AFG2A: variants seen among roughly 807,000 people sequenced by gnomAD.
AFG2A encodes AAA ATPase AFG2A.
At chr4:123,075,263 C>A in the AFG2A span, among the ~76,000 whole-genome samples, 5,089 of 152,062 alleles carry the variant, frequency 0.033, 185 homozygotes, top group African/African-American at 0.087. Flanking sequence ...ACTTTATAAT[C>A]ATTATTTTTA....
chr4:123,006,832 T>A, the AFG2A span, among the ~76,000 whole-genome samples: 3 of 152,144 alleles, frequency 2.0e-5, no homozygotes, highest in Non-Finnish European at 4.4e-5. Context: ...TTTGGATCAG[T>A]TTCAATTTAT....
At chr4:123,231,020 T>C in the AFG2A span, among the ~76,000 whole-genome samples, 98,597 of 151,808 alleles carry the variant, frequency 0.65, 32,587 homozygotes, top group Admixed American at 0.7. Flanking sequence ...GAAGAGTAGA[T>C]TTAGCATATT....
chr4:123,237,299 A>T, the AFG2A span, among the ~76,000 whole-genome samples: 1 of 152,332 alleles, frequency 6.6e-6, no homozygotes, highest in African/African-American at 2.4e-5. Flanking sequence ...AGTCCCTGCC[A>T]TGTGCCTCAA....
the AFG2A span, among the ~76,000 whole-genome samples, chr4:122,925,558 C>G: frequency 6.6e-6 from 1 of 152,192 alleles, no homozygotes; most frequent in African/African-American, 2.4e-5. Flanking sequence ...TGCCCAGGAA[C>G]TTTGTACATG....
At chr4:123,007,894 T>C in the AFG2A span, among the ~76,000 whole-genome samples, 8 of 151,950 alleles carry the variant, frequency 5.3e-5, no homozygotes, top group Admixed American at 3.3e-4. Context: ...TCTTATTGGT[T>C]TCCCTTTTCT....
chr4:122,999,689 C>T, the AFG2A span, among the ~76,000 whole-genome samples: 1 of 152,234 alleles, frequency 6.6e-6, no homozygotes, highest in Non-Finnish European at 1.5e-5. Context: ...GGTACCAGCA[C>T]CATGCTGTTT....
At chr4:123,058,400 G>A in the AFG2A span, among the ~76,000 whole-genome samples, 1,843 of 152,290 alleles carry the variant, frequency 0.012, 42 homozygotes, top group African/African-American at 0.041. Flanking sequence ...CGAGGTGGGC[G>A]AATCATTTGA....
chr4:123,216,462 A>G, the AFG2A span, among the ~76,000 whole-genome samples: 1 of 152,204 alleles, frequency 6.6e-6, no homozygotes, highest in South Asian at 2.1e-4. Flanking sequence ...CTATATCTAC[A>G]TAACAGAATG....
the AFG2A span, among the ~76,000 whole-genome samples, chr4:122,942,140 G>A: frequency 1.3e-5 from 2 of 151,186 alleles, no homozygotes; most frequent in Non-Finnish European, 3.0e-5. Flanking sequence ...GGATGATGCT[G>A]GCCTCATAAA....
chr4:123,293,576 T>C, the AFG2A span, among the ~76,000 whole-genome samples: 22 of 152,160 alleles, frequency 1.4e-4, no homozygotes, highest in African/African-American at 4.6e-4. Context: ...GATCCAGTGA[T>C]GTGAAGATAC....
chr4:123,114,712 C>T, the AFG2A span, among the ~76,000 whole-genome samples: 2 of 152,250 alleles, frequency 1.3e-5, no homozygotes, highest in African/African-American at 4.8e-5. Context: ...TCTCACCCTA[C>T]CAACTCATAA....
At chr4:123,131,606 A>G in the AFG2A span, among the ~76,000 whole-genome samples, 1 of 152,136 alleles carries the variant, frequency 6.6e-6, no homozygotes, top group Non-Finnish European at 1.5e-5. Flanking sequence ...TAACTGGCTT[A>G]TTTTAATTTA....
chr4:122,928,669 C>A, the AFG2A span, among the ~76,000 whole-genome samples: 1 of 152,202 alleles, frequency 6.6e-6, no homozygotes, highest in Non-Finnish European at 1.5e-5. Flanking sequence ...AATTTCCAGG[C>A]TGGATTACTT....
At chr4:123,314,656 T>C in the AFG2A span, 1 of 151,504 alleles carries the variant, frequency 6.6e-6, no homozygotes, top group African/African-American at 2.4e-5. Flanking sequence ...CCAAAAAAAT[T>C]TTTTTTGAGA....
the AFG2A span, among the ~76,000 whole-genome samples, chr4:123,294,995 A>T: frequency 6.6e-6 from 1 of 152,164 alleles, no homozygotes; most frequent in African/African-American, 2.4e-5. Flanking sequence ...TCCTATTATC[A>T]CTTCCTCAAG....
the AFG2A span, among the ~76,000 whole-genome samples, chr4:123,042,296 C>T: frequency 6.6e-6 from 1 of 152,046 alleles, no homozygotes; most frequent in South Asian, 2.1e-4. Flanking sequence ...GCTTGGCTTT[C>T]ATGTGGTCAT....
chr4:123,144,980 T>G, the AFG2A span, among the ~76,000 whole-genome samples: 1 of 152,052 alleles, frequency 6.6e-6, no homozygotes, highest in Non-Finnish European at 1.5e-5. Flanking sequence ...TCCATTTTCT[T>G]TAGAACATAC....
the AFG2A span, among the ~76,000 whole-genome samples, chr4:123,034,149 T>A: frequency 6.6e-6 from 1 of 151,728 alleles, no homozygotes; most frequent in African/African-American, 2.4e-5. Flanking sequence ...AGATTGAAAA[T>A]ATAATATTTG....
the AFG2A span, among the ~76,000 whole-genome samples, chr4:123,299,694 C>T: frequency 6.6e-6 from 1 of 152,102 alleles, no homozygotes; most frequent in Non-Finnish European, 1.5e-5. Flanking sequence ...AGAAAGTTCA[C>T]TTAGTTAAAA....
Sources: allele counts gnomAD v4.1 joint callset (sites outside exome capture counted in the v4.1 genomes callset), GRCh38; gene constraint gnomAD v4.1.1; transcripts MANE v1.5; gene names NCBI Gene and HGNC (gene_info 2026-07-23, HGNC 2026-07-21).